Variants in PAK3 observed in about 807,000 individuals in gnomAD.
The protein encoded by PAK3 is p21 (RAC1) activated kinase 3.
A neutral mutation model predicts 41.0 loss-of-function variants in PAK3; 4 were observed. That is an observed-to-expected ratio of 0.10 (90% confidence interval 0.05 to 0.22). The LOEUF is 0.22. Among genes scored for constraint, PAK3 ranks in the 10% least tolerant of loss-of-function variants. The pLI is 1.00. For synonymous variants in PAK3, 146 were observed against 139.6 expected (o/e 1.05, Z -0.32); for missense variants, 205 against 409.9 (o/e 0.50, Z 4.32).
intron 1 of PAK3, among the ~76,000 whole-genome samples, chrX:110,986,756 C>CGTGTGT (rs758904251): frequency 5.0e-4 from 52 of 104,412 alleles, no homozygotes; most frequent in African/African-American, 1.4e-3. Context: ...CAAGTGTACG[C>CGTGTGT]GTGTGTGTGT....
chrX:110,992,688 G>A (rs1483263033), intron 1 of PAK3, among the ~76,000 whole-genome samples: 1 of 110,542 alleles, frequency 9.0e-6, no homozygotes, highest in East Asian at 2.9e-4. Flanking sequence ...TGTTCATTCC[G>A]CCTCGACTAA....
rs2094366469 is a variant in PAK3 at position 111,173,213 on chromosome X, C to G, written c.830+132C>G. 1.3e-5 allele frequency: 6 copies of G among 470,982 alleles called. No homozygotes were observed. In the Admixed American group the frequency reaches 1.9e-4, roughly 15 times the overall value. 38.8% of individuals were successfully genotyped at this position (470,982 alleles called of 1,213,427 possible). A position where few individuals can be genotyped will look rare whatever the true frequency, so the allele number is the denominator to read the frequency against. ...CTAGATTATATTTATGTCTTGCATT[C>G]TCAGTATTGGCCTTTCAGGGGGAGT... On this transcript the variant is annotated intron_variant, in intron 11 of 17. Transcript: ENST00000372007.
chrX:111,039,993 G>GC (rs2092437426), intron 1 of PAK3, among the ~76,000 whole-genome samples: 2 of 13,451 alleles, frequency 1.5e-4, no homozygotes, highest in African/African-American at 2.7e-4. Flanking sequence ...AGTAGATGGA[G>GC]CAAAAAAAAA....
At chrX:111,124,015 G>A (rs1381656253) in intron 5 of PAK3, among the ~76,000 whole-genome samples, 6 of 111,756 alleles carry the variant, frequency 5.4e-5, no homozygotes, top group Non-Finnish European at 1.1e-4. Flanking sequence ...AAGTACAAGG[G>A]CACTGACACC....
intron 16 of PAK3, among the ~76,000 whole-genome samples, chrX:111,197,215 T>C (rs1415593692): frequency 8.9e-6 from 1 of 112,051 alleles, no homozygotes; most frequent in East Asian, 2.8e-4. Context: ...CTTAGAATAA[T>C]GGCCTCCAGC....
intron 1 of PAK3, among the ~76,000 whole-genome samples, chrX:110,964,157 G>A (rs775152687): frequency 1.8e-5 from 2 of 111,875 alleles, no homozygotes; most frequent in South Asian, 7.6e-4. Context: ...TTACAAATGA[G>A]AAAACTGAGT....
chrX:111,072,208 G>A (rs1026892506), intron 1 of PAK3, among the ~76,000 whole-genome samples: 7 of 112,518 alleles, frequency 6.2e-5, no homozygotes, highest in Non-Finnish European at 9.4e-5. Flanking sequence ...TCATATCTAC[G>A]AAATTGCTAT....
chrX:111,198,166 T>C (rs2094636445), intron 16 of PAK3, among the ~76,000 whole-genome samples: 1 of 112,360 alleles, frequency 8.9e-6, no homozygotes, highest in Non-Finnish European at 1.9e-5. Context: ...TGTCCATTTT[T>C]TAATGGGGTT....
chrX:111,091,420 A>C (rs189611961), upstream of PAK3, among the ~76,000 whole-genome samples: 92 of 111,666 alleles, frequency 8.2e-4, no homozygotes, highest in Middle Eastern at 4.6e-3. Context: ...ATCCAAGGAG[A>C]GAGGCAAGGC....
chrX:110,986,556 G>A (rs1303775847), intron 1 of PAK3, among the ~76,000 whole-genome samples: 1 of 111,519 alleles, frequency 9.0e-6, no homozygotes, highest in African/African-American at 3.3e-5. Context: ...ACAATTTGAG[G>A]CCAGTTTACC....
intron 1 of PAK3, among the ~76,000 whole-genome samples, chrX:111,008,923 G>A (rs1005430305): frequency 9.0e-6 from 1 of 111,288 alleles, no homozygotes; most frequent in Non-Finnish European, 1.9e-5. Flanking sequence ...GACACAAATA[G>A]GCATTTATTG....
At chrX:111,078,664 A>G (rs1308820740) in intron 1 of PAK3, among the ~76,000 whole-genome samples, 1 of 111,175 alleles carries the variant, frequency 9.0e-6, no homozygotes, top group East Asian at 2.8e-4. Context: ...CTAAGCATTC[A>G]AGTGAAAGGA....
chrX:111,119,231 C>T (rs2093524902), intron 4 of PAK3, among the ~76,000 whole-genome samples: 1 of 111,962 alleles, frequency 8.9e-6, no homozygotes, highest in Admixed American at 9.5e-5. Flanking sequence ...CATTGCTAAA[C>T]CACATTAAGT....
chrX:111,209,865 A>G lies in PAK3; in HGVS notation c.1408-6556A>G, dbSNP rs1433659517. 5.3e-5 allele frequency among the ~76,000 whole-genome samples: 6 copies of G among 112,359 alleles called. No individual in the cohort carries two copies. The Admixed American group carries it at 5.7e-4, about 11-fold the overall frequency. On this transcript the variant is annotated intron_variant, in intron 16 of 17. Coordinates refer to ENST00000372007, the MANE Select transcript of PAK3 (RefSeq NM_002578.5). Reference sequence around the variant, plus strand: ...ATGGATTGTGTGGGGACTTCTTTGGAGAAATGTGGTAACTTCTATGATGAC... The same window carrying G: ...ATGGATTGTGTGGGGACTTCTTTGGGGAAATGTGGTAACTTCTATGATGAC...
chrX:111,182,592 A>C lies in PAK3; in HGVS notation c.830+9511A>C, dbSNP rs972353309. The stretch of plus-strand genomic sequence containing the variant: ...AAACGCCAGAACTCTGTCTTTGGAA[A>C]AGTTATTGCATGTGATGGTAACATC... On this transcript the variant is annotated intron_variant, in intron 11 of 17. Transcript: ENST00000372007. 9.9e-5 allele frequency among the ~76,000 whole-genome samples: 11 copies of C among 110,998 alleles called. No individual in the cohort carries two copies. In the Admixed American group the frequency reaches 1.1e-3, roughly 11 times the overall value.
At chrX:111,164,957 T>A (rs1884554) in intron 10 of PAK3, among the ~76,000 whole-genome samples, 9,267 of 111,155 alleles carry the variant, frequency 0.083, 693 homozygotes, top group African/African-American at 0.24. Context: ...GGTGGTAGGA[T>A]GATTTTGCCC....
chrX:110,955,269 G>A (rs2090832275), intron 1 of PAK3, among the ~76,000 whole-genome samples: 1 of 111,785 alleles, frequency 8.9e-6, no homozygotes, highest in South Asian at 3.7e-4. Context: ...GTAGTATAGG[G>A]CATTGAGCAA....
At chrX:111,067,821 A>C (rs1428111684) in intron 1 of PAK3, among the ~76,000 whole-genome samples, 8 of 109,936 alleles carry the variant, frequency 7.3e-5, no homozygotes, top group Non-Finnish European at 1.5e-4. Context: ...TTAGTCTATA[A>C]TTTTCTTTTT....
At chrX:111,098,935 G>A (rs1293903837) in intron 3 of PAK3, 1 of 111,317 alleles carries the variant, frequency 9.0e-6, no homozygotes, top group Non-Finnish European at 1.9e-5. Context: ...CCACCTGCCG[G>A]GGGCTAGGCG....
Sources: allele counts gnomAD v4.1 joint callset (sites outside exome capture counted in the v4.1 genomes callset), GRCh38; gene constraint gnomAD v4.1.1; transcripts MANE v1.5; gene names NCBI Gene and HGNC (gene_info 2026-07-23, HGNC 2026-07-21).